The following TJP2 variants were observed in gnomAD, a reference collection of about 807,000 sequenced individuals.
TJP2 encodes tight junction protein 2.
A neutral mutation model predicts 133.1 loss-of-function variants in TJP2; 91 were observed. The observed-to-expected ratio is 0.68, with a 90% CI of 0.58 to 0.81. TJP2 has a LOEUF of 0.81. Ranked by LOEUF, TJP2 falls within the 40% of genes least tolerant of loss-of-function variation. The pLI, the probability that TJP2 is intolerant of heterozygous loss-of-function variation, is 0.00. For missense variants in TJP2, 1,541 were observed against 1,565.6 expected, an observed-to-expected ratio of 0.98 and a Z score of 0.26; for synonymous variants, 592 against 583.4, an observed-to-expected ratio of 1.01 and a Z score of -0.21.
At chr9:69,222,804 C>T (rs1374592087) in intron 5 of TJP2, among the ~76,000 whole-genome samples, 1 of 151,504 alleles carries the variant, frequency 6.6e-6, no homozygotes, top group Non-Finnish European at 1.5e-5. Context: ...TGCAGTGGCT[C>T]ACACCTGTAA....
intron 2 of TJP2, among the ~76,000 whole-genome samples, chr9:69,163,701 G>A (rs369177690): frequency 2.9e-4 from 44 of 151,740 alleles, no homozygotes; most frequent in African/African-American, 1.0e-3. Flanking sequence ...TCAAATCCCT[G>A]AGCTCAAGCC....
chr9:69,248,361 C>T (rs1387924084), intron 19 of TJP2, 137 bp downstream of exon 19: 2 of 1,449,074 alleles, frequency 1.4e-6, no homozygotes, highest in East Asian at 2.5e-5. Flanking sequence ...GAGTCTCTCG[C>T]TTTGAGTCCA....
At position 69,221,201 on chromosome 9, in the gene TJP2, G is replaced by A; in HGVS notation, c.657G>A (p.Arg219=). The A allele has an allele frequency of 6.2e-7, 1 of 1,603,046 alleles. No homozygotes were observed. Among genetic ancestry groups the A allele is most frequent in the Non-Finnish European group, 8.5e-7 (1 of 1,175,000 alleles). Residue 219 remains arginine, a synonymous_variant, in exon 5 of 23, where the codon CGG becomes CGA. Transcript: ENST00000377245. The stretch of plus-strand genomic sequence containing the variant: ...GCACCCGAGACCGCAGCCGTGGCCG[G>A]AGCCTGGAGCGGGGCCTGGACCACG... ...HARTRDRSRG[R]SLERGLDHDF... is the part of the protein sequence containing the mutation.
intron 11 of TJP2, among the ~76,000 whole-genome samples, chr9:69,233,110 G>A (rs1476169120): frequency 6.6e-6 from 1 of 152,208 alleles, no homozygotes; most frequent in Non-Finnish European, 1.5e-5. Flanking sequence ...ATTCCTAATT[G>A]GGGGACAGAG....
chr9:69,251,732 A>G (rs1220745395), intron 21 of TJP2, among the ~76,000 whole-genome samples: 4 of 152,166 alleles, frequency 2.6e-5, no homozygotes, highest in African/African-American at 9.7e-5. Flanking sequence ...AAACCAAGCA[A>G]ACTGGGTGCT....
chr9:69,203,371 C>T (rs775095612), intron 1 of TJP2, among the ~76,000 whole-genome samples: 4 of 151,856 alleles, frequency 2.6e-5, no homozygotes, highest in Non-Finnish European at 5.9e-5. Context: ...GGCTGGAGTG[C>T]AATGGTGGGA....
chr9:69,247,199 AC>A (rs1286906249), intron 18 of TJP2, among the ~76,000 whole-genome samples: 7 of 152,224 alleles, frequency 4.6e-5, no homozygotes, highest in Non-Finnish European at 1.0e-4. Flanking sequence ...AGTTAGAATT[AC>A]TTAGAAAATA....
At chr9:69,235,926 G>A in intron 12 of TJP2, 102 bp from the exon 13 acceptor site, 1 of 1,090,434 alleles carries the variant, frequency 9.2e-7, no homozygotes, top group Non-Finnish European at 1.4e-6. Flanking sequence ...CTGAATGGAA[G>A]GAAGGTAAAG....
In TJP2 at chr9:69,220,870, G is replaced by A. The variant is rs1157308773; in HGVS notation, c.343-17G>A. 6 of 1,611,670 alleles carry A rather than the reference G, an allele frequency of 3.7e-6. No individual in the cohort carries two copies. The highest frequency in any genetic ancestry group is 5.1e-6 in the Non-Finnish European group (6 of 1,179,534). ...TGTGATTGTCCTGCGTCCACACTGAGTTTGTTTTGACAACAGGTGGTCAAG... is the reference window on the plus strand; with the variant it reads ...TGTGATTGTCCTGCGTCCACACTGAATTTGTTTTGACAACAGGTGGTCAAG... On this transcript the variant is annotated splice_polypyrimidine_tract_variant and intron_variant, in intron 4 of 22. Transcript: ENST00000377245.
intron 2 of TJP2, among the ~76,000 whole-genome samples, chr9:69,157,471 T>G (rs1160014717): frequency 3.7e-5 from 2 of 54,626 alleles, no homozygotes; most frequent in Non-Finnish European, 8.6e-5. Context: ...GCAGAGTTGG[T>G]TTTTTTTTTT....
Position 69,236,936 on chromosome 9 carries a change from G to C in TJP2, c.1992-13G>C. ...CTGGCTTTAGAGATTTACTTCCCGT[G>C]GTTTCTTCTCAGAGCTGAACAAATG... On this transcript the variant is annotated splice_polypyrimidine_tract_variant and intron_variant, in intron 13 of 22. Transcript: ENST00000377245. The C allele has an allele frequency of 1.2e-6, 2 of 1,614,048 alleles. No individual in the cohort carries two copies. Among genetic ancestry groups the C allele is most frequent in the Non-Finnish European group, 1.7e-6 (2 of 1,179,918 alleles).
At chr9:69,247,155 A>G (rs1033264614) in intron 18 of TJP2, among the ~76,000 whole-genome samples, 2 of 152,260 alleles carry the variant, frequency 1.3e-5, no homozygotes, top group Non-Finnish European at 2.9e-5. Context: ...CTTGGAGAAT[A>G]CGGCTAAACA....
At chr9:69,121,360 A>C (rs1258093412), upstream of TJP2, 1 of 984,916 alleles carries the variant, frequency 1.0e-6, no homozygotes, top group Non-Finnish European at 1.2e-6. Context: ...GGTCTCAAGG[A>C]AGCAGGTGAC....
At chr9:69,129,339 A>G (rs954205294) in intron 1 of TJP2, among the ~76,000 whole-genome samples, 1 of 150,172 alleles carries the variant, frequency 6.7e-6, no homozygotes, top group African/African-American at 2.5e-5. Flanking sequence ...GGTGAAACCC[A>G]GTCTCTACTA....
At chr9:69,248,661 C>T (rs1331612932) in intron 19 of TJP2, 1 of 1,047,608 alleles carries the variant, frequency 9.5e-7, no homozygotes, top group Admixed American at 5.3e-5. Context: ...AGTGTTTCCC[C>T]ATCAGTTTCC....
intron 1 of TJP2, among the ~76,000 whole-genome samples, chr9:69,191,293 T>C (rs1345780982): frequency 6.6e-6 from 1 of 152,280 alleles, no homozygotes; most frequent in Non-Finnish European, 1.5e-5. Context: ...AATGTCTTTG[T>C]ATCATCAAAC....
intron 20 of TJP2, chr9:69,249,817 T>G: frequency 2.1e-6 from 2 of 951,292 alleles, no homozygotes; most frequent in Non-Finnish European, 2.5e-6. Context: ...GCAGAACGTG[T>G]TTTTCTTTTG....
At chr9:69,234,077 C>T (rs1246500101) in intron 11 of TJP2, among the ~76,000 whole-genome samples, 1 of 152,138 alleles carries the variant, frequency 6.6e-6, no homozygotes, top group Non-Finnish European at 1.5e-5. Flanking sequence ...TTGTGTATTA[C>T]CTTCTTGGCC....
rs576359422 is a variant in TJP2, at chr9:69,238,985, C to T, written c.2355+196C>T. ...GGTGGATCACCTGAGGTCAGGAGTT[C>T]GAGACCAGCCTGGCCAACATGGTGA... On this transcript the variant is annotated intron_variant, in intron 16 of 22. Transcript: ENST00000377245. Among the ~76,000 whole-genome samples, 12 of 151,208 alleles carry T rather than the reference C, an allele frequency of 7.9e-5. No homozygotes were observed. In the East Asian group the frequency reaches 9.8e-4, roughly 12 times the overall value.
Sources: allele counts gnomAD v4.1 joint callset (sites outside exome capture counted in the v4.1 genomes callset), GRCh38; gene constraint gnomAD v4.1.1; transcripts MANE v1.5; gene names NCBI Gene and HGNC (gene_info 2026-07-23, HGNC 2026-07-21).